LGALS1: variants seen among roughly 807,000 people sequenced by gnomAD.
The protein encoded by LGALS1 is galectin-1.
In LGALS1, 14 loss-of-function variants were observed where a neutral mutation model predicts 14.4. The observed-to-expected ratio is 0.97, with a 90% CI of 0.64 to 1.52. The LOEUF (loss-of-function observed/expected upper bound fraction) is 1.52, where lower values mean the gene tolerates loss of function less well. Ranked by LOEUF, LGALS1 falls within the 40% of genes most tolerant of loss-of-function variation. The pLI, the probability that LGALS1 is intolerant of heterozygous loss-of-function variation, is 0.00. For synonymous variants in LGALS1, 71 were observed against 73.4 expected (o/e 0.97, Z 0.17); for missense variants, 170 against 181.4 (o/e 0.94, Z 0.36).
chr22:37,676,095 G>A lies in LGALS1; in HGVS notation c.9+384G>A, dbSNP rs1353619999. On this transcript the variant is annotated intron_variant, in intron 1 of 3. Transcript: ENST00000215909. Reference sequence around the variant, plus strand: ...GTCCCCTCCCCCCTGCAGCTGTCCCGGTCACCAGGCCAGGGCAGAGTTACC... The same window carrying A: ...GTCCCCTCCCCCCTGCAGCTGTCCCAGTCACCAGGCCAGGGCAGAGTTACC... The A allele has an allele frequency of 2.2e-5, 4 of 179,158 alleles. No individual in the cohort carries two copies. In the East Asian group the frequency reaches 4.2e-4, roughly 19 times the overall value. 11.1% of individuals were successfully genotyped at this position (179,158 alleles called of 1,614,324 possible).
chr22:37,678,181 G>A (rs896068150), intron 2 of LGALS1, among the ~76,000 whole-genome samples: 26 of 152,200 alleles, frequency 1.7e-4, no homozygotes, highest in Non-Finnish European at 5.9e-5. Flanking sequence ...ATACAGAGAT[G>A]TACAAGACAG....
At chr22:37,677,327 C>T (rs917454616) in intron 2 of LGALS1, 2 of 482,478 alleles carry the variant, frequency 4.1e-6, no homozygotes, top group South Asian at 2.1e-5. Context: ...TTGACTCCCC[C>T]GCCCCCACCC....
At chr22:37,676,963 T>C (rs1005297531) in intron 1 of LGALS1, 23 bp from the exon 2 acceptor site, 1 of 1,613,588 alleles carries the variant, frequency 6.2e-7, no homozygotes, top group Non-Finnish European at 8.5e-7. Context: ...CTAACCCGGC[T>C]GGGCCGGGGC....
intron 3 of LGALS1, among the ~76,000 whole-genome samples, chr22:37,679,264 T>C (rs1921549806): frequency 6.6e-6 from 1 of 150,900 alleles, no homozygotes; most frequent in Non-Finnish European, 1.5e-5. Flanking sequence ...AAACCCCGTC[T>C]CTATATAAAT....
Position 37,676,778 on chromosome 22 carries a change from C to A in LGALS1, c.10-208C>A, listed in dbSNP as rs1480316100. ...CCTTCACGTTACAGACTGAAGCCAA[C>A]CCCGGTGGGAATAGGGACTTTCCCA... is the stretch of plus-strand genomic sequence containing the variant. On this transcript the variant is annotated intron_variant, in intron 1 of 3. Coordinates refer to ENST00000215909, the MANE Select transcript of LGALS1 (RefSeq NM_002305.4). 11 of 646,110 alleles carry A rather than the reference C, an allele frequency of 1.7e-5. No individual in the cohort carries two copies. The South Asian group carries it at 1.9e-4, about 11-fold the overall frequency. 40.0% of individuals were successfully genotyped at this position (646,110 alleles called of 1,614,324 possible).
Position 37,678,605 on chromosome 22 carries a change from C to T in LGALS1, c.212C>T (p.Thr71Ile). The T allele has an allele frequency of 6.2e-7, 1 of 1,612,624 alleles. No individual in the cohort carries two copies. The highest frequency in any genetic ancestry group is 8.5e-7 in the Non-Finnish European group (1 of 1,179,658). Residue 71 changes from threonine to isoleucine, a missense_variant, in exon 3 of 4, where the codon ACC becomes ATC. Thr to Ile is a moderately conservative substitution (Grantham distance 89). Coordinates refer to ENST00000215909, the MANE Select transcript of LGALS1 (RefSeq NM_002305.4). ...CNSKDGGAWG[T>I]EQREAVFPFQ... The stretch of plus-strand genomic sequence containing the variant: ...AGCAAGGACGGCGGGGCCTGGGGGA[C>T]CGAGCAGCGGGAGGCTGTCTTTCCC...
rs1414670933 is a variant in LGALS1, at chr22:37,679,738, G to T, written c.397G>T (p.Ala133Ser). The T allele has an allele frequency of 9.4e-6, 15 of 1,593,334 alleles. No individual in the cohort carries two copies. Among genetic ancestry groups the T allele is most frequent in the Non-Finnish European group, 1.2e-5 (14 of 1,168,512 alleles). Residue 133 changes from alanine (A) to serine (S), a missense_variant, in exon 4 of 4, where the codon GCC becomes TCC. Coordinates refer to ENST00000215909, the MANE Select transcript of LGALS1 (RefSeq NM_002305.4). ...ADGDFKIKCV[A>S]FD ...CGGTGACTTCAAGATCAAATGTGTG[G>T]CCTTTGACTGAAATCAGCCAGCCCA...
At position 37,675,662 on chromosome 22, in the gene LGALS1, A is replaced by T. The variant is rs1305208903; in HGVS notation, c.-41A>T. ...TCTCTCTCGGGTGGAGTCTTCTGACAGCTGGTGCGCCTGCCCGGGAACATC... is the reference window on the plus strand; with the variant it reads ...TCTCTCTCGGGTGGAGTCTTCTGACTGCTGGTGCGCCTGCCCGGGAACATC... On this transcript the variant is annotated 5_prime_UTR_variant, in exon 1 of 4. Coordinates refer to ENST00000215909, the MANE Select transcript of LGALS1 (RefSeq NM_002305.4). The T allele has an allele frequency of 6.5e-7, 1 of 1,548,116 alleles. No homozygotes were observed. The highest frequency in any genetic ancestry group is 1.2e-5 in the South Asian group (1 of 83,694).
intron 3 of LGALS1, among the ~76,000 whole-genome samples, chr22:37,679,293 T>C (rs1921551174): frequency 1.3e-5 from 2 of 150,744 alleles, no homozygotes; most frequent in Non-Finnish European, 2.9e-5. Flanking sequence ...TAGCTGGGCG[T>C]GGTGGCACAC....
chr22:37,676,899 C>A, intron 1 of LGALS1, 87 bp from the exon 2 acceptor site: 1 of 1,376,134 alleles, frequency 7.3e-7, no homozygotes, highest in Non-Finnish European at 1.0e-6. Context: ...GGGAACAACC[C>A]CACTCCCACC....
chr22:37,678,807 C>T (rs993129544), intron 3 of LGALS1, among the ~76,000 whole-genome samples, 153 bp downstream of exon 3: 1 of 152,220 alleles, frequency 6.6e-6, no homozygotes, highest in South Asian at 2.1e-4. Flanking sequence ...CCTCTTTGAA[C>T]CTCAGTGGTT....
chr22:37,678,409 C>G, intron 2 of LGALS1, 74 bp from the exon 3 acceptor site: 1 of 1,530,494 alleles, frequency 6.5e-7, no homozygotes, highest in East Asian at 2.3e-5. Context: ...TCATGGGATA[C>G]TGAGTGACAG....
Position 37,678,664 on chromosome 22 carries a change from AGACCG to A in LGALS1, c.261+13_261+17del. ...TGGAAGTGTTGCAGAGGTGGGCTGCAGACCGGAACCGGGGACCAGGGACAGGGGCT... is the reference window on the plus strand; with the variant it reads ...TGGAAGTGTTGCAGAGGTGGGCTGCAGAACCGGGGACCAGGGACAGGGGCT... On this transcript the variant is annotated intron_variant, in intron 3 of 3. Transcript: ENST00000215909. 8.8e-7 allele frequency: 1 copy of A among 1,142,000 alleles called. No individual in the cohort carries two copies. The highest frequency in any genetic ancestry group is 2.1e-5 in the Admixed American group (1 of 47,350). 70.7% of individuals were successfully genotyped at this position (1,142,000 alleles called of 1,614,324 possible).
At chr22:37,678,236 C>A (rs888414597) in intron 2 of LGALS1, 1 of 623,458 alleles carries the variant, frequency 1.6e-6, no homozygotes, top group South Asian at 1.6e-5. Context: ...CTTGACCAAA[C>A]GGGCTAGGAT....
intron 3 of LGALS1, 113 bp from the exon 4 acceptor site, chr22:37,679,490 G>T: frequency 1.1e-5 from 9 of 813,622 alleles, no homozygotes; most frequent in Non-Finnish European, 1.6e-5. Context: ...TATTATAAAT[G>T]TACCTCCGCA....
chr22:37,675,799 T>A, intron 1 of LGALS1, 88 bp downstream of exon 1: 1 of 1,240,464 alleles, frequency 8.1e-7, no homozygotes, highest in Non-Finnish European at 1.1e-6. Flanking sequence ...GAGCAGATTC[T>A]AGCCCCAGCT....
At chr22:37,677,186 G>A in intron 2 of LGALS1, 121 bp downstream of exon 2, 2 of 985,138 alleles carry the variant, frequency 2.0e-6, no homozygotes, top group East Asian at 2.6e-5. Context: ...AGCCGCCGAT[G>A]CTGCGTTTTC....
At position 37,678,528 on chromosome 22, in the gene LGALS1, C is replaced by T; in HGVS notation, c.135C>T (p.His45=). The T allele has an allele frequency of 6.2e-7, 1 of 1,613,676 alleles. No homozygotes were observed. Among genetic ancestry groups the T allele is most frequent in the Non-Finnish European group, 8.5e-7 (1 of 1,180,042 alleles). The change falls in exon 3 of 4, where the codon CAC becomes CAT. Residue 45 remains histidine (H), a synonymous_variant. Coordinates refer to ENST00000215909, the MANE Select transcript of LGALS1 (RefSeq NM_002305.4). ...AAGACAGCAACAACCTGTGCCTGCA[C>T]TTCAACCCTCGCTTCAACGCCCACG... ...LGKDSNNLCL[H]FNPRFNAHGD... is the part of the protein sequence containing the mutation.
chr22:37,675,799 T>C (rs528015055), intron 1 of LGALS1, 88 bp downstream of exon 1: 3 of 1,240,464 alleles, frequency 2.4e-6, no homozygotes, highest in South Asian at 1.7e-5. Context: ...GAGCAGATTC[T>C]AGCCCCAGCT....
Sources: allele counts gnomAD v4.1 joint callset (sites outside exome capture counted in the v4.1 genomes callset), GRCh38; gene constraint gnomAD v4.1.1; transcripts MANE v1.5; gene names NCBI Gene and HGNC (gene_info 2026-07-23, HGNC 2026-07-21).